The following ARAP2 variants were observed in gnomAD, a reference collection of about 807,000 sequenced individuals.
ARAP2 encodes the protein arf-GAP with Rho-GAP domain, ANK repeat and PH domain-containing protein 2.
ARAP2 carries 148 observed loss-of-function variants against 194.5 expected under a neutral mutation model. The observed-to-expected ratio is 0.76, with a 90% CI of 0.67 to 0.87. ARAP2 has a LOEUF of 0.87. ARAP2 is among the 40% of genes least tolerant of loss of function. The probability of loss-of-function intolerance (pLI) is 0.00; values close to 1 mark genes in which losing one functional copy is unlikely to be tolerated. For missense variants in ARAP2, 2,128 were observed against 1,989.7 expected, an observed-to-expected ratio of 1.07 and a Z score of -1.32; for synonymous variants, 695 against 683.5, an observed-to-expected ratio of 1.02 and a Z score of -0.26.
chr4:36,105,052 T>C (rs1718011068), intron 27 of ARAP2, among the ~76,000 whole-genome samples: 1 of 151,922 alleles, frequency 6.6e-6, no homozygotes, highest in Non-Finnish European at 1.5e-5. Context: ...TTACTGACAT[T>C]TTACTCCAAA....
At chr4:36,185,610 G>A (rs1740350417) in intron 8 of ARAP2, among the ~76,000 whole-genome samples, 1 of 151,986 alleles carries the variant, frequency 6.6e-6, no homozygotes, top group Non-Finnish European at 1.5e-5. Context: ...TAAAAAAAAA[G>A]AAAATGTTAC....
At chr4:36,097,132 T>C (rs1398063888) in intron 27 of ARAP2, among the ~76,000 whole-genome samples, 6 of 152,120 alleles carry the variant, frequency 3.9e-5, no homozygotes, top group African/African-American at 1.4e-4. Flanking sequence ...GGGGAAAATA[T>C]TGTTTAAATT....
At chr4:36,127,219 C>T (rs940098171) in intron 21 of ARAP2, among the ~76,000 whole-genome samples, 4 of 152,156 alleles carry the variant, frequency 2.6e-5, no homozygotes, top group East Asian at 1.9e-4. Flanking sequence ...CAGCTTCATA[C>T]ATTTCAATAC....
chr4:36,241,199 T>C (rs1475025300), intron 1 of ARAP2, among the ~76,000 whole-genome samples: 1 of 152,216 alleles, frequency 6.6e-6, no homozygotes, highest in Non-Finnish European at 1.5e-5. Flanking sequence ...TCTCTGAATG[T>C]AAGTCATATT....
At position 36,067,308 on chromosome 4, in the gene ARAP2, T is replaced by A. The variant is rs907007271; in HGVS notation, c.*599A>T. On this transcript the variant is annotated 3_prime_UTR_variant, in exon 33 of 33. Coordinates refer to ENST00000303965, the MANE Select transcript of ARAP2 (RefSeq NM_015230.4). ...GTGGTTTCTCATTGACAAGTTCTGG[T>A]CATTAGTGAACTAGAATGAATCTTA... 2 of 152,662 alleles carry A rather than the reference T, an allele frequency of 1.3e-5. No individual in the cohort carries two copies. Among genetic ancestry groups the A allele is most frequent in the African/African-American group, 4.8e-5 (2 of 41,460 alleles). 9.5% of individuals were successfully genotyped at this position (152,662 alleles called of 1,614,324 possible).
chr4:36,048,559 T>C (rs897735649), intron 3 of ARAP2, among the ~76,000 whole-genome samples: 6 of 152,176 alleles, frequency 3.9e-5, no homozygotes, highest in South Asian at 2.1e-4. Flanking sequence ...TATGGCTGCA[T>C]AGTATTTCAT....
At chr4:36,076,439 A>G (rs1199061977) in intron 31 of ARAP2, among the ~76,000 whole-genome samples, 2 of 151,886 alleles carry the variant, frequency 1.3e-5, no homozygotes, top group African/African-American at 4.8e-5. Context: ...TCTAGTCACA[A>G]CCTCATTTAA....
chr4:36,130,016 T>C (rs1725033916), intron 20 of ARAP2, among the ~76,000 whole-genome samples: 1 of 151,518 alleles, frequency 6.6e-6, no homozygotes, highest in Non-Finnish European at 1.5e-5. Flanking sequence ...GTCAGAGTAT[T>C]TCTTTCTCAA....
chr4:36,073,584 T>G, intron 32 of ARAP2, 105 bp downstream of exon 32: 1 of 1,274,802 alleles, frequency 7.8e-7, no homozygotes, highest in African/African-American at 1.5e-5. Flanking sequence ...AAGTGATTAT[T>G]ATTGTGCTTT....
intron 1 of ARAP2, among the ~76,000 whole-genome samples, chr4:36,236,380 A>G (rs1752459501): frequency 6.6e-6 from 1 of 152,142 alleles, no homozygotes; most frequent in Non-Finnish European, 1.5e-5. Context: ...GATGTCATTG[A>G]GACAAATTCT....
chr4:36,012,300 A>G (rs2109311910), intron 9 of ARAP2, among the ~76,000 whole-genome samples: 2 of 152,332 alleles, frequency 1.3e-5, no homozygotes, highest in Middle Eastern at 6.8e-3. Flanking sequence ...TCAATAAATT[A>G]CACTTGCTTT....
At chr4:36,086,445 G>A (rs1330801810) in intron 28 of ARAP2, among the ~76,000 whole-genome samples, 1 of 152,096 alleles carries the variant, frequency 6.6e-6, no homozygotes, top group Non-Finnish European at 1.5e-5. Context: ...GAGGAGATCA[G>A]CAATTGTAGA....
intron 6 of ARAP2, among the ~76,000 whole-genome samples, chr4:36,203,330 A>G (rs1478068611): frequency 1.3e-5 from 2 of 151,872 alleles, no homozygotes; most frequent in African/African-American, 4.8e-5. Context: ...TCACCCTGTA[A>G]TCCAGCATTT....
At chr4:36,165,946 A>G (rs1268391384) in intron 10 of ARAP2, among the ~76,000 whole-genome samples, 1 of 152,150 alleles carries the variant, frequency 6.6e-6, no homozygotes, top group South Asian at 2.1e-4. Context: ...TAAATGGCCT[A>G]CATGAATTAT....
At chr4:36,239,449 C>T (rs890812650) in intron 1 of ARAP2, among the ~76,000 whole-genome samples, 1 of 152,020 alleles carries the variant, frequency 6.6e-6, no homozygotes, top group African/African-American at 2.4e-5. Context: ...ACTAAGCAGC[C>T]TTAAAAAGGA....
At chr4:36,132,336 C>T (rs1725639864) in intron 20 of ARAP2, among the ~76,000 whole-genome samples, 1 of 151,674 alleles carries the variant, frequency 6.6e-6, no homozygotes, top group South Asian at 2.1e-4. Flanking sequence ...ACCTTCTTTT[C>T]AAATTAAAAA....
intron 32 of ARAP2, among the ~76,000 whole-genome samples, chr4:36,071,539 C>G (rs184566820): frequency 1.1e-4 from 16 of 152,214 alleles, no homozygotes; most frequent in Admixed American, 5.2e-4. Flanking sequence ...TCTCATATGA[C>G]TTTCAATAGG....
At chr4:36,190,931 C>A (rs1269338918) in intron 7 of ARAP2, among the ~76,000 whole-genome samples, 2 of 152,134 alleles carry the variant, frequency 1.3e-5, no homozygotes, top group African/African-American at 4.8e-5. Context: ...GTTAAAATGG[C>A]AATACAAGGC....
intron 6 of ARAP2, chr4:36,019,021 AC>A (rs896565319): frequency 3.4e-5 from 5 of 147,944 alleles, no homozygotes; most frequent in Admixed American, 2.0e-4. Context: ...CTTTTAGGAA[AC>A]CATTTGGCGA....
Sources: gnomAD v4.1 joint callset for allele counts (sites outside exome capture counted in the v4.1 genomes callset) on GRCh38, gnomAD v4.1.1 for gene constraint, MANE v1.5 for transcripts, NCBI Gene and HGNC (gene_info 2026-07-23, HGNC 2026-07-21) for gene names.